Variants in FANCE observed in about 807,000 individuals in gnomAD.
FANCE encodes the protein FA complementation group E, also known as Fanconi anemia group E protein.
FANCE carries 42 observed loss-of-function variants against 57.8 expected under a neutral mutation model. The observed-to-expected ratio is 0.73, with a 90% CI of 0.57 to 0.94. The LOEUF (loss-of-function observed/expected upper bound fraction) is 0.94. FANCE is among the 40% of genes least tolerant of loss of function. The pLI, the probability that FANCE is intolerant of heterozygous loss-of-function variation, is 0.00. For missense variants in FANCE, 608 were observed against 661.8 expected (o/e 0.92, Z 0.89); for synonymous variants, 251 against 286.4 (o/e 0.88, Z 1.25).
At chr6:35,453,788 T>C (rs1767209073) in intron 1 of FANCE, among the ~76,000 whole-genome samples, 1 of 152,244 alleles carries the variant, frequency 6.6e-6, no homozygotes, top group Non-Finnish European at 1.5e-5. Flanking sequence ...TTGGAAGCTA[T>C]AGAAATGTTT....
At chr6:35,459,851 T>A (rs1767515380) in intron 7 of FANCE, 91 bp downstream of exon 7, 1 of 1,098,638 alleles carries the variant, frequency 9.1e-7, no homozygotes, top group Non-Finnish European at 1.4e-6. Context: ...CAGGGAAGGC[T>A]TACCTTCTCT....
chr6:35,463,944 G>A (rs1767699325), intron 9 of FANCE, among the ~76,000 whole-genome samples: 1 of 152,054 alleles, frequency 6.6e-6, no homozygotes, highest in Admixed American at 6.6e-5. Flanking sequence ...GATTACAGGC[G>A]TGAGCTGTCG....
At chr6:35,464,240 T>C (rs1433439552) in intron 9 of FANCE, among the ~76,000 whole-genome samples, 1 of 141,286 alleles carries the variant, frequency 7.1e-6, no homozygotes, top group Non-Finnish European at 1.5e-5. Flanking sequence ...TCTTCTTTTT[T>C]TTTTTTTTTT....
intron 2 of FANCE, among the ~76,000 whole-genome samples, chr6:35,457,015 C>T (rs1475757431): frequency 6.6e-6 from 1 of 152,226 alleles, no homozygotes; most frequent in African/African-American, 2.4e-5. Flanking sequence ...CCTGGGTCTA[C>T]CCCCATTTGG....
At chr6:35,466,159 C>T in intron 9 of FANCE, 85 bp from the exon 10 acceptor site, 1 of 857,064 alleles carries the variant, frequency 1.2e-6, no homozygotes, top group African/African-American at 1.7e-5. Context: ...CTGGCCTCCT[C>T]TCTCCTCAAT....
intron 9 of FANCE, among the ~76,000 whole-genome samples, chr6:35,464,877 C>T (rs56855829): frequency 0.091 from 13,555 of 149,672 alleles, 1,357 homozygotes; most frequent in African/African-American, 0.24. Context: ...GGACTACAGG[C>T]GCCTGCCAGC....
chr6:35,457,286 C>T (rs1767384201), intron 2 of FANCE, among the ~76,000 whole-genome samples: 1 of 152,088 alleles, frequency 6.6e-6, no homozygotes, highest in South Asian at 2.1e-4. Flanking sequence ...ACCATCACGC[C>T]TGGCTAATTT....
chr6:35,466,065 G>A (rs989993746), intron 9 of FANCE, among the ~76,000 whole-genome samples, 179 bp from the exon 10 acceptor site: 4 of 152,236 alleles, frequency 2.6e-5, no homozygotes, highest in Non-Finnish European at 5.9e-5. Context: ...TGTGCAGCTA[G>A]TATTTGGCTC....
chr6:35,466,311 C>T lies in FANCE; in HGVS notation c.1577C>T (p.Ser526Phe), dbSNP rs1767834053. 1.2e-6 allele frequency: 2 copies of T among 1,613,890 alleles called. No homozygotes were observed. Among genetic ancestry groups the T allele is most frequent in the Non-Finnish European group, 1.7e-6 (2 of 1,179,760 alleles). Residue 526 changes from serine (S) to phenylalanine (F), a missense_variant, in exon 10 of 10, where the codon TCC becomes TTC. Coordinates refer to ENST00000229769, the MANE Select transcript of FANCE (RefSeq NM_021922.3). ...CCTAACACCACCTTCCTGAGGAAGT[C>T]CCTGAAGGCCGCCTTGAAACATTTG... The part of the protein sequence containing the change: ...LEPNTTFLRK[S>F]LKAALKHLGP
chr6:35,452,438 G>T lies in FANCE; in HGVS notation c.-108G>T. The T allele has an allele frequency of 9.0e-7, 1 of 1,113,322 alleles. No homozygotes were observed. Among genetic ancestry groups the T allele is most frequent in the Non-Finnish European group, 1.1e-6 (1 of 889,178 alleles). 69.0% of individuals were successfully genotyped at this position (1,113,322 alleles called of 1,614,324 possible). A position where few individuals can be genotyped will look rare whatever the true frequency, so the allele number is the denominator to read the frequency against. On this transcript the variant is annotated 5_prime_UTR_variant, in exon 1 of 10. Coordinates refer to ENST00000229769, the MANE Select transcript of FANCE (RefSeq NM_021922.3). The stretch of plus-strand genomic sequence containing the variant: ...GAGCTTGTAACAGGCGCTGGAGCTG[G>T]CCCGCCACCGCCGCGTCAGGGACGG...
chr6:35,460,398 G>C (rs548891554), intron 7 of FANCE, among the ~76,000 whole-genome samples, 154 bp from the exon 8 acceptor site: 2 of 152,318 alleles, frequency 1.3e-5, no homozygotes, highest in East Asian at 3.9e-4. Context: ...TTACAGGTGT[G>C]AGCCACTGTG....
At chr6:35,460,130 G>A in intron 7 of FANCE, among the ~76,000 whole-genome samples, 1 of 111,326 alleles carries the variant, frequency 9.0e-6, no homozygotes, top group Non-Finnish European at 1.8e-5. Context: ...GGGGGTGGGG[G>A]GTGGGGACGG....
At chr6:35,462,132 G>T (rs564814010) in intron 8 of FANCE, among the ~76,000 whole-genome samples, 3 of 150,868 alleles carry the variant, frequency 2.0e-5, no homozygotes, top group Non-Finnish European at 1.5e-5. Context: ...TTTTGAGACG[G>T]AGTCTCACTC....
chr6:35,461,131 AG>A (rs1303208977), intron 8 of FANCE, among the ~76,000 whole-genome samples: 2 of 152,112 alleles, frequency 1.3e-5, no homozygotes, highest in African/African-American at 2.4e-5. Context: ...ACCTGAGGCC[AG>A]AACTCCTGTG....
At chr6:35,460,703 T>C in intron 8 of FANCE, 85 bp downstream of exon 8, 1 of 1,250,234 alleles carries the variant, frequency 8.0e-7, no homozygotes, top group Non-Finnish European at 1.2e-6. Flanking sequence ...TCTGAGTCCT[T>C]CAGTGCATGG....
chr6:35,463,383 T>C (rs1436268118), intron 9 of FANCE, among the ~76,000 whole-genome samples: 2 of 152,294 alleles, frequency 1.3e-5, no homozygotes, highest in East Asian at 3.9e-4. Context: ...GGAATGAGAC[T>C]GCTTAGGAGT....
At chr6:35,455,651 ATCTG>A in intron 1 of FANCE, 92 bp from the exon 2 acceptor site, 1 of 1,470,566 alleles carries the variant, frequency 6.8e-7, no homozygotes. Context: ...GCCAGCCCCC[ATCTG>A]TCCACCGCCA....
Position 35,452,680 on chromosome 6 carries a change from G to T in FANCE, c.135G>T (p.Gly45=). Residue 45 remains glycine (G), a synonymous_variant, in exon 1 of 10, where the codon GGG becomes GGT. Transcript: ENST00000229769. ...AGPEGARRGL[G]VLRALGSRGW... ...CTGAGGGGGCGCGGCGCGGCCTGGGGGTGCTCCGGGCGCTGGGCAGCCGCG... is the reference window on the plus strand; with the variant it reads ...CTGAGGGGGCGCGGCGCGGCCTGGGTGTGCTCCGGGCGCTGGGCAGCCGCG... 2 of 1,240,996 alleles carry T rather than the reference G, an allele frequency of 1.6e-6. No individual in the cohort carries two copies. The highest frequency in any genetic ancestry group is 2.0e-6 in the Non-Finnish European group (2 of 993,436). The allele number at this position is 1,240,996 out of a possible 1,614,324, so 76.9% of individuals were successfully genotyped here.
At chr6:35,455,640 T>C (rs568504732) in intron 1 of FANCE, 107 bp from the exon 2 acceptor site, 605 of 1,350,916 alleles carry the variant, frequency 4.5e-4, no homozygotes, top group African/African-American at 2.6e-3. Context: ...AGATACTGCG[T>C]GCCAGCCCCC....
Sources: allele counts gnomAD v4.1 joint callset (sites outside exome capture counted in the v4.1 genomes callset), GRCh38; gene constraint gnomAD v4.1.1; transcripts MANE v1.5; gene names NCBI Gene and HGNC (gene_info 2026-07-23, HGNC 2026-07-21).